The following TWSG1 variants were observed in gnomAD, a reference collection of about 807,000 sequenced individuals.
TWSG1 encodes the protein twisted gastrulation BMP signaling modulator 1.
TWSG1 carries 15 observed loss-of-function variants against 23.0 expected under a neutral mutation model. That is an observed-to-expected ratio of 0.65 (90% CI 0.44 to 1.00). The LOEUF (loss-of-function observed/expected upper bound fraction) is 1.00. TWSG1 is among the 50% of genes least tolerant of loss of function. TWSG1 has a pLI of 0.00. For missense variants in TWSG1, 242 were observed against 278.7 expected (o/e 0.87, Z 0.94); for synonymous variants, 86 against 92.8 (o/e 0.93, Z 0.42).
At chr18:9,370,537 G>T (rs547364193) in intron 3 of TWSG1, among the ~76,000 whole-genome samples, 1 of 152,036 alleles carries the variant, frequency 6.6e-6, no homozygotes, top group Non-Finnish European at 1.5e-5. Flanking sequence ...TGTTTGTTTG[G>T]TCTAGATGTT....
intron 2 of TWSG1, among the ~76,000 whole-genome samples, chr18:9,345,049 A>G (rs1277649821): frequency 6.6e-6 from 1 of 152,178 alleles, no homozygotes; most frequent in African/African-American, 2.4e-5. Flanking sequence ...GTGAGCCACC[A>G]TGCCCAACCC....
Position 9,385,647 on chromosome 18 carries a change from C to T in TWSG1, c.224-10633C>T, listed in dbSNP as rs1379265680. On this transcript the variant is annotated intron_variant, in intron 3 of 4. Coordinates refer to ENST00000262120, the MANE Select transcript of TWSG1 (RefSeq NM_020648.6). ...GAGCTTGCAGTGAGCCGAGATTGCG[C>T]CACTGCAGTCCGCAGTCCGACCTGG... 3.3e-4 allele frequency among the ~76,000 whole-genome samples: 11 copies of T among 33,294 alleles called. 4 individuals are homozygous for T. The highest frequency in any genetic ancestry group is 2.2e-3 in the African/African-American group (11 of 4,996). 21.8% of individuals were successfully genotyped at this position (33,294 alleles called of 152,430 possible). A position where few individuals can be genotyped will look rare whatever the true frequency, so the allele number is the denominator to read the frequency against.
chr18:9,371,977 GA>G (rs2040607610), intron 3 of TWSG1, among the ~76,000 whole-genome samples: 2 of 149,624 alleles, frequency 1.3e-5, no homozygotes, highest in Admixed American at 1.3e-4. Context: ...GTGTTGGCCA[GA>G]CTGGTCTCGA....
At chr18:9,347,325 A>G (rs977965775) in intron 2 of TWSG1, among the ~76,000 whole-genome samples, 12 of 152,232 alleles carry the variant, frequency 7.9e-5, no homozygotes, top group African/African-American at 2.7e-4. Context: ...TAAAATTTCA[A>G]TAAAGTCCAG....
intron 3 of TWSG1, among the ~76,000 whole-genome samples, chr18:9,362,969 T>C (rs1438117680): frequency 6.6e-6 from 1 of 152,190 alleles, no homozygotes; most frequent in Non-Finnish European, 1.5e-5. Flanking sequence ...ACAGCAATCC[T>C]CCTCCTTGTA....
At chr18:9,359,197 G>C (rs1266369883) in intron 2 of TWSG1, among the ~76,000 whole-genome samples, 1 of 151,888 alleles carries the variant, frequency 6.6e-6, no homozygotes. Context: ...CTGCTGGTTG[G>C]TTGGAAGCTG....
chr18:9,381,183 T>C lies in TWSG1; in HGVS notation c.224-15097T>C, dbSNP rs939893704. Among the ~76,000 whole-genome samples the C allele has an allele frequency of 5.9e-5, 9 of 152,372 alleles. No homozygotes were observed. The East Asian group carries it at 1.7e-3, about 29-fold the overall frequency. On this transcript the variant is annotated intron_variant, in intron 3 of 4. Coordinates refer to ENST00000262120, the MANE Select transcript of TWSG1 (RefSeq NM_020648.6). ...TCACAATGAGGTCTATTTGATCAGA[T>C]GCTGTGAATCCCATCAGCTTTTCTG... is the stretch of plus-strand genomic sequence containing the variant.
intron 3 of TWSG1, among the ~76,000 whole-genome samples, chr18:9,369,130 A>G (rs911396294): frequency 4.7e-5 from 1 of 21,372 alleles, no homozygotes; most frequent in African/African-American, 1.5e-4. Flanking sequence ...CAAACAAACA[A>G]ATAAATAAAT....
At chr18:9,369,961 TTTGAG>T (rs1360166991) in intron 3 of TWSG1, among the ~76,000 whole-genome samples, 1 of 150,986 alleles carries the variant, frequency 6.6e-6, no homozygotes, top group African/African-American at 2.5e-5. Flanking sequence ...AGCTTTTTAC[TTTGAG>T]TTAATTCCAT....
chr18:9,386,225 C>G lies in TWSG1; in HGVS notation c.224-10055C>G, dbSNP rs141147419. 1.4e-3 allele frequency among the ~76,000 whole-genome samples: 209 copies of G among 150,864 alleles called. 1 individual carries two copies. The highest frequency in any genetic ancestry group is 4.9e-3 in the African/African-American group (203 of 41,098). ...CTGTAATCCCAACGTTTTGGGAGAT[C>G]GAGGTGGGCAGATCACCTGAGGTCA... On this transcript the variant is annotated intron_variant, in intron 3 of 4. Transcript: ENST00000262120.
intron 2 of TWSG1, among the ~76,000 whole-genome samples, chr18:9,346,536 G>A (rs1312106817): frequency 6.6e-6 from 1 of 152,070 alleles, no homozygotes; most frequent in Non-Finnish European, 1.5e-5. Context: ...CAGTGCTTTA[G>A]GAGGCCATGG....
In TWSG1 at chr18:9,401,255, C is replaced by T. The variant is rs2040761158; in HGVS notation, c.*1728C>T. Reference sequence around the variant, plus strand: ...AGTGCCTTGAAAACATTTAGCTCCCCTTCTTCATGAGCATCTGTAGAGCTG... The same window carrying T: ...AGTGCCTTGAAAACATTTAGCTCCCTTTCTTCATGAGCATCTGTAGAGCTG... On this transcript the variant is annotated 3_prime_UTR_variant, in exon 5 of 5. Coordinates refer to ENST00000262120, the MANE Select transcript of TWSG1 (RefSeq NM_020648.6). 6.6e-6 allele frequency: 1 copy of T among 152,044 alleles called. No individual in the cohort carries two copies. Among genetic ancestry groups the T allele is most frequent in the African/African-American group, 2.4e-5 (1 of 41,360 alleles). The allele number at this position is 152,044 out of a possible 1,614,324, so 9.4% of individuals were successfully genotyped here. A position where few individuals can be genotyped will look rare whatever the true frequency, so the allele number is the denominator to read the frequency against.
At chr18:9,383,938 A>G (rs1313869199) in intron 3 of TWSG1, among the ~76,000 whole-genome samples, 2 of 152,320 alleles carry the variant, frequency 1.3e-5, no homozygotes, top group African/African-American at 4.8e-5. Context: ...GTATACAAAG[A>G]TAATAGCCAA....
intron 2 of TWSG1, among the ~76,000 whole-genome samples, chr18:9,340,256 T>C (rs2040440292): frequency 6.7e-6 from 1 of 149,914 alleles, no homozygotes; most frequent in African/African-American, 2.5e-5. Flanking sequence ...TAGTCCCAGC[T>C]ACTCGGGAGG....
chr18:9,355,178 G>T (rs184651634), intron 2 of TWSG1, among the ~76,000 whole-genome samples: 70 of 152,198 alleles, frequency 4.6e-4, no homozygotes, highest in African/African-American at 1.6e-3. Flanking sequence ...GGATGGTCTC[G>T]ATCTCCTGAC....
chr18:9,399,223 T>G (rs2040751617), intron 4 of TWSG1, 123 bp from the exon 5 acceptor site: 2 of 564,528 alleles, frequency 3.5e-6, no homozygotes, highest in Non-Finnish European at 5.9e-6. Context: ...ATCTTTGTCA[T>G]GTACAGACCA....
chr18:9,354,108 CTT>C (rs1458170212), intron 2 of TWSG1, among the ~76,000 whole-genome samples: 2 of 152,026 alleles, frequency 1.3e-5, no homozygotes, highest in African/African-American at 4.8e-5. Context: ...TGAAAAATAA[CTT>C]TTATATTTCT....
intron 2 of TWSG1, among the ~76,000 whole-genome samples, chr18:9,351,930 G>A (rs2145600393): frequency 6.6e-6 from 1 of 152,310 alleles, no homozygotes; most frequent in East Asian, 1.9e-4. Flanking sequence ...ACAGGCATGA[G>A]CCACTGCTCC....
chr18:9,352,810 A>T (rs531787462), intron 2 of TWSG1, among the ~76,000 whole-genome samples: 1 of 152,202 alleles, frequency 6.6e-6, no homozygotes, highest in Non-Finnish European at 1.5e-5. Context: ...TTGGGAGTTC[A>T]TACAATAAAT....
Sources: gnomAD v4.1 joint callset for allele counts (sites outside exome capture counted in the v4.1 genomes callset) on GRCh38, gnomAD v4.1.1 for gene constraint, MANE v1.5 for transcripts, NCBI Gene and HGNC (gene_info 2026-07-23, HGNC 2026-07-21) for gene names.